The following PROM2 variants were observed in gnomAD, a reference collection of about 807,000 sequenced individuals.
PROM2 encodes prominin 2.
In PROM2, 90 loss-of-function variants were observed where a neutral mutation model predicts 110.2. The observed-to-expected ratio is 0.82, with a 90% confidence interval of 0.69 to 0.97. The LOEUF is 0.97. PROM2 is among the 50% of genes least tolerant of loss of function. The pLI, the probability that PROM2 is intolerant of heterozygous loss-of-function variation, is 0.00. For synonymous variants in PROM2, 470 were observed against 467.8 expected, an observed-to-expected ratio of 1.00 and a Z score of -0.06; for missense variants, 1,009 against 1,074.8, an observed-to-expected ratio of 0.94 and a Z score of 0.86.
chr2:95,288,622 G>A (rs1324912524), intron 22 of PROM2, 33 bp downstream of exon 22: 3 of 1,581,704 alleles, frequency 1.9e-6, no homozygotes. Context: ...GGCAGCATCA[G>A]GGGCCAGGGA....
At position 95,285,055 on chromosome 2, in the gene PROM2, C is replaced by G; in HGVS notation, c.1815C>G (p.Asp605Glu). The change falls in exon 15 of 24, where the codon GAC (aspartate) becomes GAG (glutamate). Residue 605 changes from aspartate (D) to glutamate (E), a missense_variant. Coordinates refer to ENST00000317620, the MANE Select transcript of PROM2 (RefSeq NM_001165978.3). ...TGCTGAGCTCAGCCGCCCGCCGGGACCTGGAGGCCCTGCAGAGCAGTGGGC... is the reference window on the plus strand; with the variant it reads ...TGCTGAGCTCAGCCGCCCGCCGGGAGCTGGAGGCCCTGCAGAGCAGTGGGC... ...LDLLSSAARR[D>E]LEALQSSGLQ... 2 of 1,596,828 alleles carry G rather than the reference C, an allele frequency of 1.3e-6. No homozygotes were observed. The highest frequency in any genetic ancestry group is 1.7e-6 in the Non-Finnish European group (2 of 1,170,864).
intron 16 of PROM2, 141 bp downstream of exon 16, chr2:95,285,851 G>T (rs1173619709): frequency 1.3e-6 from 1 of 754,536 alleles, no homozygotes; most frequent in Non-Finnish European, 2.2e-6. Flanking sequence ...ACCCCTGGCT[G>T]GGCTGGAGGG....
chr2:95,289,154 C>T (rs1677556883), intron 23 of PROM2, 70 bp from the exon 24 acceptor site: 1 of 660,990 alleles, frequency 1.5e-6, no homozygotes, highest in East Asian at 2.7e-5. Flanking sequence ...GTGGCCCATC[C>T]AGCAGTGGGG....
Position 95,276,421 on chromosome 2 carries a change from C to T in PROM2, c.618+74C>T. ...CCGGGCAGGACAGAGCCGAGTGGGC[C>T]CTCGATGGCCCATAACCAGCGCATC... On this transcript the variant is annotated intron_variant, in intron 4 of 23. Coordinates refer to ENST00000317620, the MANE Select transcript of PROM2 (RefSeq NM_001165978.3). This position sits in a 1 kb window ranked among gnomAD's most constrained non-coding sequence, Gnocchi z 4.6. 1.9e-6 allele frequency: 3 copies of T among 1,594,656 alleles called. No individual in the cohort carries two copies.
chr2:95,274,750 T>C lies in PROM2; in HGVS notation c.165T>C (p.Arg55=), dbSNP rs746041078. Residue 55 remains arginine, a synonymous_variant, in exon 1 of 24, where the codon CGT becomes CGC. Coordinates refer to ENST00000317620, the MANE Select transcript of PROM2 (RefSeq NM_001165978.3). The part of the protein sequence containing the change: ...ARARWLAPRV[R]APGLLDSLYG... ...CCCGGTGGCTGGCCCCTCGAGTTCG[T>C]GCGCCAGGACTCCTGGACTCCCTCT... is the stretch of plus-strand genomic sequence containing the variant. 2 of 1,611,068 alleles carry C rather than the reference T, an allele frequency of 1.2e-6. No homozygotes were observed. The highest frequency in any genetic ancestry group is 1.7e-6 in the Non-Finnish European group (2 of 1,179,772).
At position 95,276,398 on chromosome 2, in the gene PROM2, G is replaced by C. The variant is rs377483839; in HGVS notation, c.618+51G>C. ...ATGTGCCCCTGTGAGCACTGGGCCCGGGCAGGACAGAGCCGAGTGGGCCCT... is the reference window on the plus strand; with the variant it reads ...ATGTGCCCCTGTGAGCACTGGGCCCCGGCAGGACAGAGCCGAGTGGGCCCT... On this transcript the variant is annotated intron_variant, in intron 4 of 23. Coordinates refer to ENST00000317620, the MANE Select transcript of PROM2 (RefSeq NM_001165978.3). The surrounding 1 kb of genome is among the most constrained non-coding windows in gnomAD (Gnocchi z 4.6). 3.1e-6 allele frequency: 5 copies of C among 1,604,968 alleles called. No individual in the cohort carries two copies. In the South Asian group the frequency reaches 5.6e-5, roughly 18 times the overall value.
rs1234906481 is a variant in PROM2, at chr2:95,285,678, G to A, written c.1915G>A (p.Ala639Thr). 6.2e-7 allele frequency: 1 copy of A among 1,604,590 alleles called. No homozygotes were observed. Among genetic ancestry groups the A allele is most frequent in the East Asian group, 2.2e-5 (1 of 44,466 alleles). ...GGTGAAGACCAGCATGGAGCAGCTG[G>A]CCCAGGAGCTGCAAGGACTGGCCCA... ...PVVKTSMEQL[A>T]QELQGLAQAQ... The change falls in exon 16 of 24, where the codon GCC becomes ACC. Residue 639 changes from alanine to threonine, a missense_variant. Coordinates refer to ENST00000317620, the MANE Select transcript of PROM2 (RefSeq NM_001165978.3).
Position 95,288,476 on chromosome 2 carries a change from G to A in PROM2, c.2335-7G>A. On this transcript the variant is annotated splice_region_variant and splice_polypyrimidine_tract_variant and intron_variant, in intron 21 of 23. Coordinates refer to ENST00000317620, the MANE Select transcript of PROM2 (RefSeq NM_001165978.3). The stretch of plus-strand genomic sequence containing the variant: ...GGTTGGTGAGCCGACCTCACGCCTT[G>A]TTGCAGAATGCCTTCTGGTTCTGCC... The A allele has an allele frequency of 1.2e-6, 2 of 1,613,632 alleles. No homozygotes were observed. The highest frequency in any genetic ancestry group is 1.7e-6 in the Non-Finnish European group (2 of 1,179,586).
At position 95,274,774 on chromosome 2, in the gene PROM2, C is replaced by T; in HGVS notation, c.189C>T (p.Leu63=). The part of the protein sequence containing the change: ...RVRAPGLLDS[L]YGTVRRFLSV... ...GTGCGCCAGGACTCCTGGACTCCCT[C>T]TATGGCACCGTGCGCCGCTTCCTCT... The change falls in exon 1 of 24, where the codon CTC becomes CTT. Residue 63 remains leucine (L), a synonymous_variant. Transcript: ENST00000317620. 6.2e-7 allele frequency: 1 copy of T among 1,610,516 alleles called. No individual in the cohort carries two copies. Among genetic ancestry groups the T allele is most frequent in the Non-Finnish European group, 8.5e-7 (1 of 1,179,364 alleles).
rs1677250595 is a variant in PROM2, at chr2:95,284,828, G to A, written c.1729-141G>A. ...CAGGCCCACCTTCACCCCCAACACC[G>A]GGGATCACATTGCAACATGAAATTT... On this transcript the variant is annotated intron_variant, in intron 14 of 23. Coordinates refer to ENST00000317620, the MANE Select transcript of PROM2 (RefSeq NM_001165978.3). 1.1e-5 allele frequency: 11 copies of A among 985,954 alleles called. No individual in the cohort carries two copies. In the East Asian group the frequency reaches 1.9e-4, roughly 17 times the overall value. 61.1% of individuals were successfully genotyped at this position (985,954 alleles called of 1,614,324 possible).
intron 11 of PROM2, among the ~76,000 whole-genome samples, chr2:95,280,548 T>C (rs1573452658): frequency 6.6e-6 from 1 of 152,218 alleles, no homozygotes; most frequent in African/African-American, 2.4e-5. Flanking sequence ...TCATGCCAGG[T>C]GACCCTTTTG....
At position 95,289,864 on chromosome 2, in the gene PROM2, C is replaced by T. The variant is rs962783591; in HGVS notation, c.*651C>T. ...TCTGGGCTGGCTGCAGGCCCTGCCT[C>T]ATGGCCTCTGAGCCCTCCACTGCCC... is the stretch of plus-strand genomic sequence containing the variant. On this transcript the variant is annotated 3_prime_UTR_variant, in exon 24 of 24. Transcript: ENST00000317620. 1.3e-5 allele frequency: 2 copies of T among 152,400 alleles called. No homozygotes were observed. Among genetic ancestry groups the T allele is most frequent in the Admixed American group, 6.5e-5 (1 of 15,294 alleles). The allele number at this position is 152,400 out of a possible 1,614,324, so 9.4% of individuals were successfully genotyped here. A position where few individuals can be genotyped will look rare whatever the true frequency, so the allele number is the denominator to read the frequency against.
Position 95,284,997 on chromosome 2 carries a change from A to C in PROM2, c.1757A>C (p.Gln586Pro). The part of the protein sequence containing the change: ...QYTNKLRQEL[Q>P]SLKVDTQSLD... ...ACCAACAAGCTACGGCAGGAGTTGC[A>C]GAGCCTGAAAGTAGACACACAGAGC... The change falls in exon 15 of 24, where the codon CAG (glutamine) becomes CCG (proline). Residue 586 changes from glutamine (Q) to proline (P), a missense_variant. Physicochemically the swap from Gln to Pro is moderately conservative, Grantham distance 76. Coordinates refer to ENST00000317620, the MANE Select transcript of PROM2 (RefSeq NM_001165978.3). The C allele has an allele frequency of 6.2e-7, 1 of 1,608,732 alleles. No homozygotes were observed. Among genetic ancestry groups the C allele is most frequent in the Non-Finnish European group, 8.5e-7 (1 of 1,177,486 alleles).
chr2:95,287,320 C>T (rs1216981257), intron 19 of PROM2, 76 bp from the exon 20 acceptor site: 2 of 1,552,790 alleles, frequency 1.3e-6, no homozygotes, highest in East Asian at 4.6e-5. Flanking sequence ...AGTTGCCAGG[C>T]ATGGGGGGTG....
Position 95,275,399 on chromosome 2 carries a change from G to A in PROM2, c.245-62G>A. ...CCACTTTGCCCTGGCAGTGGGGAGA[G>A]GAGGGACACAGGGGCAGGGCAGTGG... On this transcript the variant is annotated intron_variant, in intron 1 of 23. Transcript: ENST00000317620. This position sits in a 1 kb window ranked among gnomAD's most constrained non-coding sequence, Gnocchi z 4.4. 1.3e-6 allele frequency: 2 copies of A among 1,511,212 alleles called. No homozygotes were observed. Among genetic ancestry groups the A allele is most frequent in the South Asian group, 1.2e-5 (1 of 80,370 alleles). 93.6% of individuals were successfully genotyped at this position (1,511,212 alleles called of 1,614,324 possible).
At position 95,277,460 on chromosome 2, in the gene PROM2, AC is replaced by A. The variant is rs755350810; in HGVS notation, c.871del (p.Arg291GlyfsTer21). ...QQDLEPAIRE[H>X]RDRLLELLQE... ...GACCTGGAGCCAGCCATCCGGGAAC[AC>A]CGGGACCGCCTCCTTGAGCTGCTGC... On this transcript the variant is annotated frameshift_variant, in exon 7 of 24. Transcript: ENST00000317620. LOFTEE classifies it high-confidence loss of function. The A allele has an allele frequency of 6.2e-7, 1 of 1,613,116 alleles. No individual in the cohort carries two copies. Among genetic ancestry groups the A allele is most frequent in the East Asian group, 2.2e-5 (1 of 44,876 alleles).
At chr2:95,284,855 G>A in intron 14 of PROM2, 114 bp from the exon 15 acceptor site, 1 of 1,205,122 alleles carries the variant, frequency 8.3e-7, no homozygotes, top group East Asian at 2.7e-5. Context: ...ATGAAATTTG[G>A]AGGGGACAAA....
intron 8 of PROM2, 64 bp downstream of exon 8, chr2:95,278,068 CT>C: frequency 7.0e-7 from 1 of 1,419,924 alleles, no homozygotes; most frequent in Non-Finnish European, 9.8e-7. Context: ...CTGTTTCCCC[CT>C]TTTGGGCAGG....
Position 95,276,710 on chromosome 2 carries a change from C to A in PROM2, c.682+53C>A. ...GCTGGCTCCTTCCAGGGCCCCTGCT[C>A]GGGTGCCTCGGTGGGGGCCTCTCAC... On this transcript the variant is annotated intron_variant, in intron 5 of 23. Coordinates refer to ENST00000317620, the MANE Select transcript of PROM2 (RefSeq NM_001165978.3). The surrounding 1 kb of genome is among the most constrained non-coding windows in gnomAD (Gnocchi z 4.6). 1.3e-6 allele frequency: 2 copies of A among 1,585,234 alleles called. No homozygotes were observed. Among genetic ancestry groups the A allele is most frequent in the Non-Finnish European group, 1.7e-6 (2 of 1,156,640 alleles).
Sources: gnomAD v4.1 joint callset for allele counts (sites outside exome capture counted in the v4.1 genomes callset) on GRCh38, gnomAD v4.1.1 for gene constraint, Gnocchi (gnomAD v3.1) non-coding constraint, MANE v1.5 for transcripts, NCBI Gene and HGNC (gene_info 2026-07-23, HGNC 2026-07-21) for gene names.